PLPPR5: variants seen among roughly 807,000 people sequenced by gnomAD.
PLPPR5 encodes phospholipid phosphatase-related protein type 5.
A neutral mutation model predicts 33.9 loss-of-function variants in PLPPR5; 16 were observed. The ratio of observed to expected loss-of-function variants is 0.47; its 90% CI spans 0.32 to 0.72. The LOEUF (loss-of-function observed/expected upper bound fraction) is 0.72, where lower values mean the gene tolerates loss of function less well. Among genes scored for constraint, PLPPR5 ranks in the 30% least tolerant of loss-of-function variants. The pLI, the probability that PLPPR5 is intolerant of heterozygous loss-of-function variation, is 0.03. For synonymous variants in PLPPR5, 163 were observed against 150.3 expected, an observed-to-expected ratio of 1.08 and a Z score of -0.62; for missense variants, 301 against 406.7, an observed-to-expected ratio of 0.74 and a Z score of 2.23.
At chr1:98,933,579 A>C (rs1416770488) in intron 3 of PLPPR5, among the ~76,000 whole-genome samples, 1 of 152,146 alleles carries the variant, frequency 6.6e-6, no homozygotes, top group Non-Finnish European at 1.5e-5. Flanking sequence ...CTAAAGAACC[A>C]AGTGCAGAGA....
intron 3 of PLPPR5, among the ~76,000 whole-genome samples, chr1:98,922,262 C>T (rs1044027392): frequency 8.5e-5 from 13 of 152,174 alleles, no homozygotes; most frequent in African/African-American, 3.1e-4. Context: ...TTACTTACCT[C>T]GTATGGCAAT....
At chr1:98,952,478 A>T (rs72730360) in intron 3 of PLPPR5, among the ~76,000 whole-genome samples, 13,103 of 152,108 alleles carry the variant, frequency 0.086, 616 homozygotes, top group African/African-American at 0.12. Flanking sequence ...CTTCCAACTA[A>T]AGGTCCTAGG....
intron 3 of PLPPR5, among the ~76,000 whole-genome samples, chr1:98,943,731 C>T (rs750541823): frequency 2.6e-5 from 4 of 152,136 alleles, no homozygotes; most frequent in Non-Finnish European, 5.9e-5. Context: ...TTAATGTCAC[C>T]TCTCAAGATC....
At chr1:98,897,393 C>T (rs1013235482) in intron 5 of PLPPR5, among the ~76,000 whole-genome samples, 1 of 152,168 alleles carries the variant, frequency 6.6e-6, no homozygotes, top group Admixed American at 6.6e-5. Context: ...GGCACACCTA[C>T]AAAATGTGTT....
chr1:98,948,327 G>T (rs757680621), intron 3 of PLPPR5, among the ~76,000 whole-genome samples: 1 of 152,178 alleles, frequency 6.6e-6, no homozygotes, highest in Non-Finnish European at 1.5e-5. Flanking sequence ...AGATGGCTGT[G>T]TGGGAAGTGA....
chr1:99,004,166 C>A (rs750925683), intron 1 of PLPPR5: 6 of 505,224 alleles, frequency 1.2e-5, no homozygotes, highest in Admixed American at 3.7e-5. Flanking sequence ...TCACCACCTA[C>A]GGCCCCTCTT....
rs935063022 is a variant in PLPPR5, at chr1:98,983,157, A to T, written c.237+21278T>A. ...ATTGTGCAGGTTAGTTACATATGTC[A>T]ACATGTGCCATGCTGGTGCGCTGCA... On this transcript the variant is annotated intron_variant, in intron 1 of 5. Coordinates refer to ENST00000263177, the MANE Select transcript of PLPPR5 (RefSeq NM_001037317.2). Among the ~76,000 whole-genome samples, 6 of 151,230 alleles carry T rather than the reference A, an allele frequency of 4.0e-5. No homozygotes were observed. In the East Asian group the frequency reaches 5.9e-4, roughly 15 times the overall value.
In PLPPR5 at chr1:99,004,698, G is replaced by T; in HGVS notation, c.-27C>A. 1 of 1,473,864 alleles carries T rather than the reference G, an allele frequency of 6.8e-7. No individual in the cohort carries two copies. Among genetic ancestry groups the T allele is most frequent in the Non-Finnish European group, 9.1e-7 (1 of 1,103,492 alleles). 91.3% of individuals were successfully genotyped at this position (1,473,864 alleles called of 1,614,324 possible). A position where few individuals can be genotyped will look rare whatever the true frequency, so the allele number is the denominator to read the frequency against. On this transcript the variant is annotated 5_prime_UTR_variant, in exon 1 of 6. Transcript: ENST00000263177. Reference sequence around the variant, plus strand: ...CACGCCTCCCGGGCCGGGCCGAGCCGAGCCGAGCGGGCGGTCGACGCGGTG... The same window carrying T: ...CACGCCTCCCGGGCCGGGCCGAGCCTAGCCGAGCGGGCGGTCGACGCGGTG...
At chr1:98,968,455 G>A (rs1252632269) in intron 1 of PLPPR5, among the ~76,000 whole-genome samples, 2 of 151,874 alleles carry the variant, frequency 1.3e-5, no homozygotes, top group Non-Finnish European at 2.9e-5. Context: ...TACTCTCTGG[G>A]ACTTAAAGAT....
chr1:98,989,651 G>A (rs1420993933), intron 1 of PLPPR5, among the ~76,000 whole-genome samples: 1 of 152,098 alleles, frequency 6.6e-6, no homozygotes, highest in Non-Finnish European at 1.5e-5. Context: ...ATGTCACCAA[G>A]CCAAAACTAA....
intron 4 of PLPPR5, 23 bp downstream of exon 4, chr1:98,921,859 T>C (rs1649566999): frequency 6.3e-7 from 1 of 1,579,632 alleles, no homozygotes; most frequent in Non-Finnish European, 8.6e-7. Flanking sequence ...AACCCAATGA[T>C]ATATAAATAA....
At chr1:98,981,041 C>T (rs1652044162) in intron 1 of PLPPR5, among the ~76,000 whole-genome samples, 1 of 152,056 alleles carries the variant, frequency 6.6e-6, no homozygotes, top group Non-Finnish European at 1.5e-5. Context: ...CTGCAACACA[C>T]TTAGCAGCTG....
chr1:98,900,937 G>T (rs1363456733), intron 5 of PLPPR5, among the ~76,000 whole-genome samples: 1 of 152,046 alleles, frequency 6.6e-6, no homozygotes, highest in Non-Finnish European at 1.5e-5. Flanking sequence ...GTTTTATAAA[G>T]GTAAATATAT....
At chr1:98,976,341 T>A (rs576497354) in intron 1 of PLPPR5, among the ~76,000 whole-genome samples, 12 of 152,146 alleles carry the variant, frequency 7.9e-5, no homozygotes, top group African/African-American at 2.9e-4. Flanking sequence ...CTAACATTGA[T>A]GAAAAAGTGT....
chr1:98,952,280 A>G (rs1013454474), intron 3 of PLPPR5, among the ~76,000 whole-genome samples: 1 of 151,920 alleles, frequency 6.6e-6, no homozygotes, highest in Non-Finnish European at 1.5e-5. Flanking sequence ...AAAAAAAAAA[A>G]AAAAATCTCT....
intron 3 of PLPPR5, among the ~76,000 whole-genome samples, 183 bp downstream of exon 3, chr1:98,952,887 G>A (rs1377655768): frequency 6.6e-6 from 1 of 152,134 alleles, no homozygotes; most frequent in Non-Finnish European, 1.5e-5. Flanking sequence ...AATCTCATGA[G>A]AGTCAACTGA....
At chr1:98,925,002 A>G (rs1186604393) in intron 3 of PLPPR5, among the ~76,000 whole-genome samples, 1 of 152,204 alleles carries the variant, frequency 6.6e-6, no homozygotes, top group Admixed American at 6.5e-5. Flanking sequence ...TGGATGTTAC[A>G]AAAGAAAAAA....
intron 4 of PLPPR5, among the ~76,000 whole-genome samples, chr1:98,920,909 TATACTC>T (rs1308638924): frequency 2.0e-5 from 3 of 152,192 alleles, no homozygotes; most frequent in Admixed American, 2.0e-4. Context: ...TAAAATGTGA[TATACTC>T]ATAATGATTA....
chr1:98,893,125 G>A, intron 5 of PLPPR5, 21 bp from the exon 6 acceptor site: 6 of 1,608,614 alleles, frequency 3.7e-6, no homozygotes, highest in Non-Finnish European at 5.1e-6. Context: ...AAAAAGGAAT[G>A]ACAAAGTGAG....
Sources: allele counts gnomAD v4.1 joint callset (sites outside exome capture counted in the v4.1 genomes callset), GRCh38; gene constraint gnomAD v4.1.1; transcripts MANE v1.5; gene names NCBI Gene and HGNC (gene_info 2026-07-23, HGNC 2026-07-21).